EFNA5: variants seen among roughly 807,000 people sequenced by gnomAD.
EFNA5 encodes ephrin A5.
In EFNA5, 5 loss-of-function variants were observed where a neutral mutation model predicts 22.9. The observed-to-expected ratio is 0.22, with a 90% CI of 0.11 to 0.46. The LOEUF (loss-of-function observed/expected upper bound fraction) is 0.46, where lower values mean the gene tolerates loss of function less well. Among genes scored for constraint, EFNA5 ranks in the 20% least tolerant of loss-of-function variants. The pLI, the probability that EFNA5 is intolerant of heterozygous loss-of-function variation, is 0.99. For missense variants in EFNA5, 237 were observed against 293.3 expected, an observed-to-expected ratio of 0.81 and a Z score of 1.40; for synonymous variants, 113 against 112.2, an observed-to-expected ratio of 1.01 and a Z score of -0.04.
chr5:107,452,557 C>CA lies in EFNA5; in HGVS notation c.126-25049dup, dbSNP rs1165280258. Among the ~76,000 whole-genome samples, 317 of 147,122 alleles carry CA rather than the reference C, an allele frequency of 2.2e-3. 1 individual carries two copies. Among genetic ancestry groups the CA allele is most frequent in the African/African-American group, 6.9e-3 (277 of 40,188 alleles). ...TGAGCAATACAGTGAAACCCCATCT[C>CA]AAAAAAAAAAGTTAAAAAATTAGCC... On this transcript the variant is annotated intron_variant, in intron 1 of 4. Coordinates refer to ENST00000333274, the MANE Select transcript of EFNA5 (RefSeq NM_001962.3).
intron 1 of EFNA5, among the ~76,000 whole-genome samples, chr5:107,586,099 C>G (rs980619823): frequency 2.0e-5 from 3 of 152,090 alleles, no homozygotes; most frequent in African/African-American, 7.2e-5. Context: ...TATTGTTTAT[C>G]GTGTTTTCCT....
At chr5:107,581,234 G>C (rs1479888708) in intron 1 of EFNA5, among the ~76,000 whole-genome samples, 1 of 152,072 alleles carries the variant, frequency 6.6e-6, no homozygotes, top group Non-Finnish European at 1.5e-5. Context: ...AACTAATACA[G>C]GTTAAACTGT....
intron 1 of EFNA5, among the ~76,000 whole-genome samples, chr5:107,463,509 G>C (rs1003938921): frequency 7.9e-5 from 12 of 152,054 alleles, no homozygotes; most frequent in Non-Finnish European, 1.8e-4. Flanking sequence ...ATAAAAACTA[G>C]AGACATAGGT....
chr5:107,658,921 T>G (rs1750884157), intron 1 of EFNA5, among the ~76,000 whole-genome samples: 2 of 152,218 alleles, frequency 1.3e-5, no homozygotes, highest in Non-Finnish European at 2.9e-5. Flanking sequence ...TTTACTGCAG[T>G]ATCTCCAGTA....
chr5:107,495,163 A>C (rs996540060), intron 1 of EFNA5, among the ~76,000 whole-genome samples: 6 of 152,112 alleles, frequency 3.9e-5, no homozygotes, highest in South Asian at 2.1e-4. Flanking sequence ...CTTTGCAATA[A>C]ATCTTGCTAT....
intron 1 of EFNA5, among the ~76,000 whole-genome samples, chr5:107,437,562 CTATACTAGTTT>C (rs1482822342): frequency 6.6e-6 from 1 of 152,218 alleles, no homozygotes; most frequent in Non-Finnish European, 1.5e-5. Flanking sequence ...GTAATTATTA[CTATACTAGTTT>C]TATATAGATT....
chr5:107,496,222 G>A (rs1746978632), intron 1 of EFNA5, among the ~76,000 whole-genome samples: 1 of 146,678 alleles, frequency 6.8e-6, no homozygotes, highest in Non-Finnish European at 1.5e-5. Context: ...GCAGGCACCT[G>A]TAATCCCAGC....
At chr5:107,533,206 C>G (rs952019229) in intron 1 of EFNA5, among the ~76,000 whole-genome samples, 5 of 152,134 alleles carry the variant, frequency 3.3e-5, no homozygotes, top group African/African-American at 1.2e-4. Context: ...ACTTAGCGAT[C>G]TCATTTGTCA....
chr5:107,561,658 G>A (rs1748546924), intron 1 of EFNA5, among the ~76,000 whole-genome samples: 1 of 152,126 alleles, frequency 6.6e-6, no homozygotes, highest in African/African-American at 2.4e-5. Context: ...GTGAGCCACT[G>A]CACCTGGCCT....
chr5:107,427,196 G>T, intron 2 of EFNA5, 21 bp downstream of exon 2: 1 of 1,613,642 alleles, frequency 6.2e-7, no homozygotes, highest in Non-Finnish European at 8.5e-7. Flanking sequence ...CCTACAACAC[G>T]ATAAATCTCT....
intron 1 of EFNA5, among the ~76,000 whole-genome samples, chr5:107,637,729 T>C (rs994628614): frequency 6.7e-6 from 1 of 148,678 alleles, no homozygotes; most frequent in Non-Finnish European, 1.5e-5. Context: ...ATATAATATA[T>C]AATTTATGAT....
At chr5:107,650,649 T>A (rs1343741209) in intron 1 of EFNA5, among the ~76,000 whole-genome samples, 1 of 152,232 alleles carries the variant, frequency 6.6e-6, no homozygotes. Flanking sequence ...AAACTGACTT[T>A]AAGTGAAATA....
intron 1 of EFNA5, among the ~76,000 whole-genome samples, chr5:107,593,397 T>C (rs1189855213): frequency 6.6e-6 from 1 of 152,212 alleles, no homozygotes; most frequent in Non-Finnish European, 1.5e-5. Flanking sequence ...AACTGTTTGA[T>C]GACTCTAACG....
chr5:107,440,464 C>T lies in EFNA5; in HGVS notation c.126-12955G>A, dbSNP rs561588507. 3.9e-5 allele frequency among the ~76,000 whole-genome samples: 6 copies of T among 152,244 alleles called. No individual in the cohort carries two copies. In the East Asian group the frequency reaches 1.2e-3, roughly 29 times the overall value. ...TGAACTTTCAGAATTTTTGGTATTGCCAGAAGCTCTGAATGAGCCACTTGT... is the reference window on the plus strand; with the variant it reads ...TGAACTTTCAGAATTTTTGGTATTGTCAGAAGCTCTGAATGAGCCACTTGT... On this transcript the variant is annotated intron_variant, in intron 1 of 4. Coordinates refer to ENST00000333274, the MANE Select transcript of EFNA5 (RefSeq NM_001962.3).
chr5:107,601,162 A>G (rs764494266), intron 1 of EFNA5, among the ~76,000 whole-genome samples: 72 of 152,246 alleles, frequency 4.7e-4, no homozygotes, highest in Non-Finnish European at 7.9e-4. Context: ...AAGCATTCAT[A>G]ACATATTATT....
chr5:107,472,963 C>T (rs1243155570), intron 1 of EFNA5, among the ~76,000 whole-genome samples: 1 of 152,200 alleles, frequency 6.6e-6, no homozygotes, highest in Non-Finnish European at 1.5e-5. Context: ...CTGCAGGCAT[C>T]TCAACACTGT....
At chr5:107,498,234 G>A (rs962854469) in intron 1 of EFNA5, among the ~76,000 whole-genome samples, 4 of 152,120 alleles carry the variant, frequency 2.6e-5, no homozygotes, top group African/African-American at 4.8e-5. Context: ...ATCTTTATAT[G>A]GTACAGTGAC....
At chr5:107,426,868 C>T (rs1748822060) in intron 2 of EFNA5, 1 of 239,240 alleles carries the variant, frequency 4.2e-6, no homozygotes, top group Non-Finnish European at 8.2e-6. Context: ...CCAATGACTC[C>T]AAGCTATGTA....
At chr5:107,580,233 T>C (rs1365807484) in intron 1 of EFNA5, among the ~76,000 whole-genome samples, 1 of 152,178 alleles carries the variant, frequency 6.6e-6, no homozygotes, top group Non-Finnish European at 1.5e-5. Flanking sequence ...CTGAAGAATG[T>C]TCCATTTAGA....
Sources: gnomAD v4.1 joint callset for allele counts (sites outside exome capture counted in the v4.1 genomes callset) on GRCh38, gnomAD v4.1.1 for gene constraint, MANE v1.5 for transcripts, NCBI Gene and HGNC (gene_info 2026-07-23, HGNC 2026-07-21) for gene names.